The following GNAZ variants were observed in gnomAD, a reference collection of about 807,000 sequenced individuals.
The protein encoded by GNAZ is guanine nucleotide-binding protein G(z) subunit alpha.
Under a neutral mutation model 25.4 loss-of-function variants are expected in GNAZ, and 3 were observed. The ratio of observed to expected loss-of-function variants is 0.12; its 90% confidence interval spans 0.05 to 0.30. The LOEUF (loss-of-function observed/expected upper bound fraction) is 0.30, where lower values mean the gene tolerates loss of function less well. GNAZ is among the 10% of genes least tolerant of loss of function. The pLI is 1.00. For synonymous variants in GNAZ, 211 were observed against 205.7 expected (o/e 1.03, Z -0.22); for missense variants, 241 against 501.8 (o/e 0.48, Z 4.97).
chr22:23,106,352 G>A (rs148106198), intron 2 of GNAZ, among the ~76,000 whole-genome samples: 2 of 152,344 alleles, frequency 1.3e-5, no homozygotes, highest in East Asian at 3.9e-4. Context: ...CATCCTGGAG[G>A]CTGCACACAG....
Position 23,106,509 on chromosome 22 carries a change from C to A in GNAZ, c.723+10091C>A, listed in dbSNP as rs568559546. On this transcript the variant is annotated intron_variant, in intron 2 of 2. Coordinates refer to ENST00000615612, the MANE Select transcript of GNAZ (RefSeq NM_002073.4). ...CTGTGGCCCAGGGTAGTCATGTGGA[C>A]TTGTGTCCATCTGGACTGCCCAGGT... 8.5e-5 allele frequency among the ~76,000 whole-genome samples: 13 copies of A among 152,222 alleles called. No homozygotes were observed. In the South Asian group the frequency reaches 2.7e-3, roughly 32 times the overall value.
intron 1 of GNAZ, among the ~76,000 whole-genome samples, chr22:23,073,849 C>T (rs184269025): frequency 1.1e-4 from 17 of 151,508 alleles, no homozygotes; most frequent in African/African-American, 3.4e-4. Flanking sequence ...TCACACCAGA[C>T]GGGCAGGGGT....
At chr22:23,119,408 C>T (rs1046507605) in intron 2 of GNAZ, among the ~76,000 whole-genome samples, 2 of 152,204 alleles carry the variant, frequency 1.3e-5, no homozygotes, top group African/African-American at 2.4e-5. Flanking sequence ...ACTTTGTAAC[C>T]GTCTGTGGTT....
At position 23,123,489 on chromosome 22, in the gene GNAZ, A is replaced by G. The variant is rs576242011; in HGVS notation, c.*58A>G. 2.8e-5 allele frequency: 33 copies of G among 1,179,714 alleles called. 1 individual carries two copies. Among genetic ancestry groups the G allele is most frequent in the African/African-American group, 1.2e-4 (8 of 66,096 alleles). 73.1% of individuals were successfully genotyped at this position (1,179,714 alleles called of 1,614,324 possible). On this transcript the variant is annotated 3_prime_UTR_variant, in exon 3 of 3. Transcript: ENST00000615612. ...GAAACCCACGGGGTGTCATGCCCCAACGCGTGCTAGAGAGGCCCAATCCAG... is the reference window on the plus strand; with the variant it reads ...GAAACCCACGGGGTGTCATGCCCCAGCGCGTGCTAGAGAGGCCCAATCCAG...
intron 2 of GNAZ, among the ~76,000 whole-genome samples, chr22:23,104,909 G>A (rs1439409982): frequency 6.6e-6 from 1 of 152,156 alleles, no homozygotes; most frequent in Non-Finnish European, 1.5e-5. Context: ...ATCTCAGGGG[G>A]GACACCCAGT....
intron 1 of GNAZ, among the ~76,000 whole-genome samples, chr22:23,087,016 A>G (rs1381377398): frequency 1.3e-5 from 2 of 152,356 alleles, no homozygotes; most frequent in Non-Finnish European, 2.9e-5. Flanking sequence ...GTAAAAGGGC[A>G]GTGGAAAGTG....
intron 2 of GNAZ, among the ~76,000 whole-genome samples, chr22:23,110,205 G>C (rs1287725073): frequency 6.6e-6 from 1 of 152,168 alleles, no homozygotes; most frequent in Non-Finnish European, 1.5e-5. Flanking sequence ...AAGGGGCCTA[G>C]GCAAGCCAGG....
intron 1 of GNAZ, among the ~76,000 whole-genome samples, chr22:23,092,040 C>G (rs572400353): frequency 6.6e-6 from 1 of 152,332 alleles, no homozygotes; most frequent in Admixed American, 6.5e-5. Context: ...TCTAGCCATG[C>G]CCAGAGGCAC....
intron 1 of GNAZ, among the ~76,000 whole-genome samples, chr22:23,092,183 G>A (rs1333652428): frequency 6.6e-6 from 1 of 152,286 alleles, no homozygotes; most frequent in Non-Finnish European, 1.5e-5. Context: ...GGGACTTGGG[G>A]AGTCCTAGCA....
At chr22:23,083,827 G>A (rs182099565) in intron 1 of GNAZ, among the ~76,000 whole-genome samples, 112 of 152,332 alleles carry the variant, frequency 7.4e-4, no homozygotes, top group Admixed American at 2.0e-3. Flanking sequence ...AAGGTCGCGC[G>A]GGCCAGGTGG....
Position 23,081,395 on chromosome 22 carries a change from G to A in GNAZ, c.-450+10825G>A, listed in dbSNP as rs147037922. 3.2e-3 allele frequency among the ~76,000 whole-genome samples: 490 copies of A among 152,342 alleles called. 1 individual carries two copies. The highest frequency in any genetic ancestry group is 0.011 in the African/African-American group (467 of 41,578). On this transcript the variant is annotated intron_variant, in intron 1 of 2. Transcript: ENST00000615612. ...TGAGTTAAGTGAAAATAAAGTACAC[G>A]TGTGTCATTTCTTAGGTCTTCCTGC...
At chr22:23,123,039 C>T (rs768778210) in intron 2 of GNAZ, 48 bp from the exon 3 acceptor site, 1 of 1,292,076 alleles carries the variant, frequency 7.7e-7, no homozygotes, top group East Asian at 2.3e-5. Flanking sequence ...TAGGGTCTGT[C>T]TCTGCCTGCT....
chr22:23,090,076 CG>C lies in GNAZ; in HGVS notation c.-449-5166del, dbSNP rs374855283. Reference sequence around the variant, plus strand: ...GCAAACACTACACATCTGCTGGGGGCGGGGGCCAGGGACTGGATACTAGCTG... The same window carrying C: ...GCAAACACTACACATCTGCTGGGGGCGGGGCCAGGGACTGGATACTAGCTG... On this transcript the variant is annotated intron_variant, in intron 1 of 2. Transcript: ENST00000615612. 5.2e-3 allele frequency among the ~76,000 whole-genome samples: 799 copies of C among 152,196 alleles called. 9 individuals carry two copies. Among genetic ancestry groups the C allele is most frequent in the African/African-American group, 0.017 (715 of 41,502 alleles).
In GNAZ at chr22:23,095,679, C is replaced by A; in HGVS notation, c.-17C>A. The A allele has an allele frequency of 6.3e-7, 1 of 1,588,508 alleles. No homozygotes were observed. The highest frequency in any genetic ancestry group is 8.6e-7 in the Non-Finnish European group (1 of 1,168,274). On this transcript the variant is annotated 5_prime_UTR_variant, in exon 2 of 3. Transcript: ENST00000615612. ...CCCCATCCCGTGCTCCTTGTCTGGG[C>A]CCGCTGCTGCCAGACCATGGGATGT...
In GNAZ at chr22:23,123,738, T is replaced by G. The variant is rs557203385; in HGVS notation, c.*307T>G. On this transcript the variant is annotated 3_prime_UTR_variant, in exon 3 of 3. Coordinates refer to ENST00000615612, the MANE Select transcript of GNAZ (RefSeq NM_002073.4). Reference sequence around the variant, plus strand: ...GGTCACTACAAGCCCAACCTGCCCCTTCACTTTGCCTTCCTGAGTTGGCCC... The same window carrying G: ...GGTCACTACAAGCCCAACCTGCCCCGTCACTTTGCCTTCCTGAGTTGGCCC... 5.5e-6 allele frequency: 2 copies of G among 363,982 alleles called. No individual in the cohort carries two copies. Among genetic ancestry groups the G allele is most frequent in the South Asian group, 7.7e-5 (2 of 26,014 alleles). 22.5% of individuals were successfully genotyped at this position (363,982 alleles called of 1,614,324 possible).
At chr22:23,119,819 A>G (rs2069960235) in intron 2 of GNAZ, among the ~76,000 whole-genome samples, 1 of 152,148 alleles carries the variant, frequency 6.6e-6, no homozygotes, top group Admixed American at 6.5e-5. Flanking sequence ...GGGCCCAGCC[A>G]AGAAACAAGA....
At chr22:23,079,383 A>G (rs968184700) in intron 1 of GNAZ, among the ~76,000 whole-genome samples, 1 of 152,184 alleles carries the variant, frequency 6.6e-6, no homozygotes, top group African/African-American at 2.4e-5. Context: ...GGAGGAAGGA[A>G]CAGCCAGTGC....
At chr22:23,110,882 A>G (rs1315634845) in intron 2 of GNAZ, among the ~76,000 whole-genome samples, 1 of 152,134 alleles carries the variant, frequency 6.6e-6, no homozygotes, top group Non-Finnish European at 1.5e-5. Context: ...CACACGGGGC[A>G]ACTCAGGCCT....
At chr22:23,083,043 GTT>G (rs1266190522) in intron 1 of GNAZ, among the ~76,000 whole-genome samples, 1 of 152,180 alleles carries the variant, frequency 6.6e-6, no homozygotes. Flanking sequence ...CTCCAGGGAA[GTT>G]GGGAGAGTGA....
Sources: allele counts gnomAD v4.1 joint callset (sites outside exome capture counted in the v4.1 genomes callset), GRCh38; gene constraint gnomAD v4.1.1; transcripts MANE v1.5; gene names NCBI Gene and HGNC (gene_info 2026-07-23, HGNC 2026-07-21).